Variants in PAX2 observed in about 807,000 individuals in gnomAD.
PAX2 encodes the protein paired box protein Pax-2.
In PAX2, 9 loss-of-function variants were observed where a neutral mutation model predicts 41.7. The ratio of observed to expected loss-of-function variants is 0.22; its 90% CI spans 0.13 to 0.38. PAX2 has a LOEUF of 0.38. Ranked by LOEUF, PAX2 falls within the 10% of genes least tolerant of loss-of-function variation. The probability of loss-of-function intolerance (pLI) is 1.00; values close to 1 mark genes in which losing one functional copy is unlikely to be tolerated. For missense variants in PAX2, 418 were observed against 531.6 expected (o/e 0.79, Z 2.10); for synonymous variants, 221 against 212.7 (o/e 1.04, Z -0.34).
intron 5 of PAX2, among the ~76,000 whole-genome samples, chr10:100,798,304 C>T (rs553773226): frequency 2.8e-4 from 43 of 151,702 alleles, no homozygotes; most frequent in South Asian, 2.1e-4. Context: ...TTGGTAGAGA[C>T]GGGGTTTCAC....
intron 8 of PAX2, among the ~76,000 whole-genome samples, chr10:100,825,459 C>T (rs993197987): frequency 2.4e-4 from 36 of 152,188 alleles, no homozygotes; most frequent in African/African-American, 8.7e-4. Flanking sequence ...GGTCTGGTGA[C>T]TGCAGCTGGA....
intron 3 of PAX2, among the ~76,000 whole-genome samples, chr10:100,755,988 C>T (rs975144397): frequency 3.3e-5 from 5 of 152,118 alleles, no homozygotes; most frequent in African/African-American, 7.2e-5. Context: ...CAGGGAATGA[C>T]AGGCAATGTT....
intron 3 of PAX2, among the ~76,000 whole-genome samples, chr10:100,766,668 A>G (rs1285696575): frequency 6.6e-6 from 1 of 152,202 alleles, no homozygotes; most frequent in African/African-American, 2.4e-5. Flanking sequence ...TTGGTTATCA[A>G]GAAGAGATTT....
rs1428178279 is a variant in PAX2 at position 100,750,859 on chromosome 10, T to C, written c.378T>C (p.Asn126=). ...DRLLAEGICD[N]DTVPSVSSIN... ...TCCTGGCCGAGGGCATCTGTGACAA[T>C]GACACAGTGCCCAGCGTCTCTTCCA... Residue 126 remains asparagine, a synonymous_variant, in exon 3 of 10, where the codon AAT becomes AAC. Coordinates refer to ENST00000355243, the MANE Select transcript of PAX2 (RefSeq NM_000278.5). This position sits in a 1 kb window ranked among gnomAD's most constrained non-coding sequence, Gnocchi z 4.1. The C allele has an allele frequency of 6.2e-7, 1 of 1,613,876 alleles. No homozygotes were observed. Among genetic ancestry groups the C allele is most frequent in the Admixed American group, 1.7e-5 (1 of 60,032 alleles).
Position 100,827,232 on chromosome 10 carries a change from G to C in PAX2, c.1108+137G>C. The C allele has an allele frequency of 1.3e-6, 1 of 757,616 alleles. No individual in the cohort carries two copies. Among genetic ancestry groups the C allele is most frequent in the Non-Finnish European group, 2.3e-6 (1 of 438,550 alleles). The allele number at this position is 757,616 out of a possible 1,614,324, so 46.9% of individuals were successfully genotyped here. A position where few individuals can be genotyped will look rare whatever the true frequency, so the allele number is the denominator to read the frequency against. ...GCTTGTTAGTGCAGCACTGAGGCCC[G>C]GGGACCCCTCGAGGACGCCCGCACC... On this transcript the variant is annotated intron_variant, in intron 9 of 9. Coordinates refer to ENST00000355243, the MANE Select transcript of PAX2 (RefSeq NM_000278.5). This position sits in a 1 kb window ranked among gnomAD's most constrained non-coding sequence, Gnocchi z 8.5.
intron 5 of PAX2, among the ~76,000 whole-genome samples, chr10:100,786,379 AT>A (rs2133908796): frequency 6.6e-6 from 1 of 152,330 alleles, no homozygotes; most frequent in Non-Finnish European, 1.5e-5. Flanking sequence ...TTTTTCTAAC[AT>A]GTGGGCATCT....
chr10:100,806,745 A>G (rs1394705078), intron 6 of PAX2, 140 bp downstream of exon 6: 7 of 797,586 alleles, frequency 8.8e-6, no homozygotes, highest in Non-Finnish European at 1.5e-5. Context: ...GTGCAGTGTG[A>G]ACAGGCTCAC....
Position 100,750,706 on chromosome 10 carries a change from C to A in PAX2, c.225C>A (p.Thr75=), listed in dbSNP as rs755604378. The change falls in exon 3 of 10, where the codon ACC becomes ACA. Residue 75 remains threonine (T), a synonymous_variant. Coordinates refer to ENST00000355243, the MANE Select transcript of PAX2 (RefSeq NM_000278.5). The surrounding 1 kb of genome is among the most constrained non-coding windows in gnomAD (Gnocchi z 4.1). ...TTTCCCGGCGCAGGTACTACGAGAC[C>A]GGCAGCATCAAGCCGGGTGTGATCG... ...VSKILGRYYE[T]GSIKPGVIGG... is the part of the protein sequence containing the mutation. 7 of 1,614,120 alleles carry A rather than the reference C, an allele frequency of 4.3e-6. No individual in the cohort carries two copies. The highest frequency in any genetic ancestry group is 5.9e-6 in the Non-Finnish European group (7 of 1,179,988).
intron 3 of PAX2, among the ~76,000 whole-genome samples, chr10:100,760,923 G>A (rs565217851): frequency 1.3e-5 from 2 of 152,296 alleles, no homozygotes; most frequent in East Asian, 1.9e-4. Flanking sequence ...ACTAGGGCAG[G>A]CAGCCTGCCG....
rs531755352 is a variant in PAX2, at chr10:100,770,934, C to G, written c.411-8564C>G. ...CACTAAGACTTATTCCCAGCTCTTC[C>G]AAGGATCCCCTTGAGAAACCAACCA... is the stretch of plus-strand genomic sequence containing the variant. On this transcript the variant is annotated intron_variant, in intron 3 of 9. Coordinates refer to ENST00000355243, the MANE Select transcript of PAX2 (RefSeq NM_000278.5). Among the ~76,000 whole-genome samples the G allele has an allele frequency of 5.0e-4, 76 of 152,284 alleles. 1 individual carries two copies. Among genetic ancestry groups the G allele is most frequent in the African/African-American group, 1.8e-3 (75 of 41,562 alleles).
chr10:100,756,268 A>G (rs1397257935), intron 3 of PAX2, among the ~76,000 whole-genome samples: 1 of 152,156 alleles, frequency 6.6e-6, no homozygotes, highest in Non-Finnish European at 1.5e-5. Flanking sequence ...GGACTGATGA[A>G]AGAGCCCCAT....
intron 7 of PAX2, among the ~76,000 whole-genome samples, chr10:100,821,751 T>G (rs1848386480): frequency 6.6e-6 from 1 of 152,154 alleles, no homozygotes; most frequent in Non-Finnish European, 1.5e-5. Flanking sequence ...GGTGACAGAT[T>G]GTGGGAATCA....
At chr10:100,814,967 G>A (rs1848137659) in intron 7 of PAX2, among the ~76,000 whole-genome samples, 1 of 152,226 alleles carries the variant, frequency 6.6e-6, no homozygotes, top group African/African-American at 2.4e-5. Context: ...CAGCAGCAGG[G>A]ACCAGTGTGA....
chr10:100,823,188 A>G (rs892066338), intron 7 of PAX2, among the ~76,000 whole-genome samples: 4 of 152,316 alleles, frequency 2.6e-5, no homozygotes, highest in East Asian at 3.9e-4. Flanking sequence ...AAGGACTCCA[A>G]AGTTTTTGGT....
intron 7 of PAX2, among the ~76,000 whole-genome samples, chr10:100,820,949 C>A (rs1848362325): frequency 6.6e-6 from 1 of 152,114 alleles, no homozygotes; most frequent in South Asian, 2.1e-4. Flanking sequence ...TTTTTCTGTG[C>A]TTTTGCTTGT....
chr10:100,826,686 G>T lies in PAX2; in HGVS notation c.1022-323G>T, dbSNP rs1271725171. Among the ~76,000 whole-genome samples the T allele has an allele frequency of 6.6e-6, 1 of 152,232 alleles. No homozygotes were observed. Among genetic ancestry groups the T allele is most frequent in the Non-Finnish European group, 1.5e-5 (1 of 68,044 alleles). Reference sequence around the variant, plus strand: ...CTATAAAGGCCCTGGCCCCCAGCGCGACAGGGTGGACGCGCCCCAATACAA... The same window carrying T: ...CTATAAAGGCCCTGGCCCCCAGCGCTACAGGGTGGACGCGCCCCAATACAA... On this transcript the variant is annotated intron_variant, in intron 8 of 9. Coordinates refer to ENST00000355243, the MANE Select transcript of PAX2 (RefSeq NM_000278.5). The surrounding 1 kb of genome is among the most constrained non-coding windows in gnomAD (Gnocchi z 5.5).
At chr10:100,799,292 C>G (rs1847455130) in intron 5 of PAX2, among the ~76,000 whole-genome samples, 2 of 152,156 alleles carry the variant, frequency 1.3e-5, no homozygotes, top group Admixed American at 6.5e-5. Flanking sequence ...AGGTCATTTT[C>G]TGCCTGCGGA....
chr10:100,803,136 C>G (rs932973012), intron 5 of PAX2, among the ~76,000 whole-genome samples: 2 of 152,096 alleles, frequency 1.3e-5, no homozygotes, highest in African/African-American at 2.4e-5. Context: ...CAAAGCCACC[C>G]TCATCCAGGC....
chr10:100,825,169 C>A (rs990071048), intron 8 of PAX2, among the ~76,000 whole-genome samples: 4 of 152,142 alleles, frequency 2.6e-5, no homozygotes, highest in African/African-American at 9.7e-5. Context: ...GTCACTCAGA[C>A]AAAGCCACCC....
Sources: allele counts gnomAD v4.1 joint callset (sites outside exome capture counted in the v4.1 genomes callset), GRCh38; gene constraint gnomAD v4.1.1; non-coding constraint Gnocchi (gnomAD v3.1); transcripts MANE v1.5; gene names NCBI Gene and HGNC (gene_info 2026-07-23, HGNC 2026-07-21).